The following PDZRN4 variants were observed in gnomAD, a reference collection of about 807,000 sequenced individuals.
The protein encoded by PDZRN4 is PDZ domain containing ring finger 4.
In PDZRN4, 70 loss-of-function variants were observed where a neutral mutation model predicts 99.0. The ratio of observed to expected loss-of-function variants is 0.71; its 90% CI spans 0.58 to 0.86. PDZRN4 has a LOEUF of 0.86. Among genes scored for constraint, PDZRN4 ranks in the 40% least tolerant of loss-of-function variants. The pLI, the probability that PDZRN4 is intolerant of heterozygous loss-of-function variation, is 0.00. For missense variants in PDZRN4, 1,474 were observed against 1,331.2 expected, an observed-to-expected ratio of 1.11 and a Z score of -1.67; for synonymous variants, 551 against 501.6, an observed-to-expected ratio of 1.10 and a Z score of -1.32.
At chr12:41,406,049 T>C (rs1047217075) in intron 3 of PDZRN4, among the ~76,000 whole-genome samples, 5 of 152,096 alleles carry the variant, frequency 3.3e-5, no homozygotes, top group African/African-American at 1.2e-4. Context: ...CCAGCACATG[T>C]ACCCTCTGTA....
chr12:41,312,000 T>A (rs1004359822), intron 3 of PDZRN4, among the ~76,000 whole-genome samples: 2 of 152,206 alleles, frequency 1.3e-5, no homozygotes, highest in Non-Finnish European at 2.9e-5. Flanking sequence ...TTTTTATAGC[T>A]ACCAGGCAGC....
intron 3 of PDZRN4, among the ~76,000 whole-genome samples, chr12:41,386,066 G>T (rs1426257861): frequency 6.6e-6 from 1 of 152,092 alleles, no homozygotes; most frequent in African/African-American, 2.4e-5. Flanking sequence ...GACAAAAACT[G>T]CATGATTGCC....
chr12:41,379,146 A>G (rs568325420), intron 3 of PDZRN4, among the ~76,000 whole-genome samples: 1 of 151,192 alleles, frequency 6.6e-6, no homozygotes, highest in Non-Finnish European at 1.5e-5. Flanking sequence ...TTGTTGATAT[A>G]TGTTCATGGT....
chr12:41,191,433 AGT>A (rs747525336), intron 1 of PDZRN4, 23 bp from the exon 2 acceptor site: 195 of 1,127,964 alleles, frequency 1.7e-4, no homozygotes, highest in Non-Finnish European at 2.4e-4. Context: ...TACCTGGTTA[AGT>A]CATTTTATAC....
intron 3 of PDZRN4, among the ~76,000 whole-genome samples, chr12:41,428,774 A>G (rs1952561355): frequency 6.6e-6 from 1 of 152,212 alleles, no homozygotes; most frequent in African/African-American, 2.4e-5. Context: ...TCACACCATT[A>G]GAAACTCCAG....
At chr12:41,212,790 CATTT>C (rs1486002058) in intron 3 of PDZRN4, among the ~76,000 whole-genome samples, 3 of 151,958 alleles carry the variant, frequency 2.0e-5, no homozygotes, top group African/African-American at 7.2e-5. Flanking sequence ...TGAAGAGTGA[CATTT>C]ATAGCATAAC....
chr12:41,452,116 C>CA lies in PDZRN4; in HGVS notation c.844-54327dup, dbSNP rs34095768. Among the ~76,000 whole-genome samples the CA allele has an allele frequency of 3.8e-3, 543 of 142,738 alleles. 2 individuals carry two copies. Among genetic ancestry groups the CA allele is most frequent in the African/African-American group, 6.7e-3 (263 of 39,480 alleles). The allele number at this position is 142,738 out of a possible 152,430, so 93.6% of individuals were successfully genotyped here. Reference sequence around the variant, plus strand: ...TTGCTTCTAGAAGGTGAATAAGAGACAAAAAAAAAAAAAGTGGCTAATAGG... The same window carrying CA: ...TTGCTTCTAGAAGGTGAATAAGAGACAAAAAAAAAAAAAAGTGGCTAATAGG... On this transcript the variant is annotated intron_variant, in intron 3 of 9. Transcript: ENST00000402685.
At chr12:41,264,740 TA>T (rs2120841120) in intron 3 of PDZRN4, among the ~76,000 whole-genome samples, 1 of 152,338 alleles carries the variant, frequency 6.6e-6, no homozygotes, top group Non-Finnish European at 1.5e-5. Context: ...GATGGTGCAG[TA>T]AATTTCCTTC....
intron 3 of PDZRN4, among the ~76,000 whole-genome samples, chr12:41,502,815 G>A (rs1057341566): frequency 1.3e-5 from 2 of 151,938 alleles, no homozygotes; most frequent in Non-Finnish European, 2.9e-5. Context: ...GAATATAGTG[G>A]TAAAGAAATA....
intron 3 of PDZRN4, among the ~76,000 whole-genome samples, chr12:41,337,924 T>TTTTTTG (rs200315965): frequency 6.6e-6 from 1 of 152,110 alleles, no homozygotes; most frequent in African/African-American, 2.4e-5. Context: ...GTGCTGTCTT[T>TTTTTTG]TTTTTGTTTT....
At chr12:41,452,420 C>T (rs945057770) in intron 3 of PDZRN4, among the ~76,000 whole-genome samples, 7 of 137,750 alleles carry the variant, frequency 5.1e-5, no homozygotes, top group Admixed American at 1.5e-4. Context: ...GCCTGGGCGA[C>T]AAAGTGAGCC....
At chr12:41,359,581 T>C (rs1018056609) in intron 3 of PDZRN4, among the ~76,000 whole-genome samples, 1 of 151,948 alleles carries the variant, frequency 6.6e-6, no homozygotes, top group Non-Finnish European at 1.5e-5. Context: ...CATTATGTTC[T>C]TGTGATAGTA....
At chr12:41,470,477 C>T (rs1952976648) in intron 3 of PDZRN4, among the ~76,000 whole-genome samples, 2 of 145,184 alleles carry the variant, frequency 1.4e-5, no homozygotes, top group Non-Finnish European at 3.1e-5. Context: ...CTGTCATTCC[C>T]TGTGGCTTCA....
chr12:41,433,858 G>T (rs1417340210), intron 3 of PDZRN4, among the ~76,000 whole-genome samples: 1 of 152,130 alleles, frequency 6.6e-6, no homozygotes, highest in Non-Finnish European at 1.5e-5. Flanking sequence ...TAGTCTTTTT[G>T]AAGTCTTATT....
intron 3 of PDZRN4, chr12:41,437,921 T>TGC: frequency 6.2e-7 from 1 of 1,613,584 alleles, no homozygotes; most frequent in Non-Finnish European, 8.5e-7. Flanking sequence ...TTAGAAGATT[T>TGC]GCTCTCTCTC....
intron 3 of PDZRN4, among the ~76,000 whole-genome samples, chr12:41,338,860 T>C (rs1951794427): frequency 2.0e-5 from 3 of 152,050 alleles, no homozygotes; most frequent in Admixed American, 2.0e-4. Flanking sequence ...TATCCAGGAT[T>C]AAACATAACC....
chr12:41,437,325 A>G (rs1952638514), intron 3 of PDZRN4, among the ~76,000 whole-genome samples: 2 of 152,162 alleles, frequency 1.3e-5, no homozygotes, highest in Admixed American at 1.3e-4. Context: ...AGGTTTAATA[A>G]TGCTAAAAAT....
chr12:41,432,910 A>G (rs778425231), intron 3 of PDZRN4, among the ~76,000 whole-genome samples: 30 of 152,182 alleles, frequency 2.0e-4, no homozygotes, highest in African/African-American at 4.3e-4. Flanking sequence ...AGAATCGTGT[A>G]TTCAAATGAC....
chr12:41,345,774 C>A (rs1222675904), intron 3 of PDZRN4, among the ~76,000 whole-genome samples: 2 of 152,038 alleles, frequency 1.3e-5, no homozygotes, highest in Non-Finnish European at 2.9e-5. Context: ...TTTCATTGAA[C>A]TTTTGAAATT....
Sources: allele counts gnomAD v4.1 joint callset (sites outside exome capture counted in the v4.1 genomes callset), GRCh38; gene constraint gnomAD v4.1.1; transcripts MANE v1.5; gene names NCBI Gene and HGNC (gene_info 2026-07-23, HGNC 2026-07-21).